The following KCNK2 variants were observed in gnomAD, a reference collection of about 807,000 sequenced individuals.
KCNK2 encodes the protein potassium two pore domain channel subfamily K member 2, also known as potassium channel subfamily K member 2.
Under a neutral mutation model 40.5 loss-of-function variants are expected in KCNK2, and 21 were observed. That is an observed-to-expected ratio of 0.52 (90% CI 0.37 to 0.75). The LOEUF is 0.75. Among genes scored for constraint, KCNK2 ranks in the 30% least tolerant of loss-of-function variants. The pLI is 0.00. For synonymous variants in KCNK2, 191 were observed against 202.2 expected, an observed-to-expected ratio of 0.94 and a Z score of 0.47; for missense variants, 399 against 531.6, an observed-to-expected ratio of 0.75 and a Z score of 2.45.
At chr1:215,125,739 AAT>A (rs66622204) in intron 3 of KCNK2, among the ~76,000 whole-genome samples, 4,919 of 122,350 alleles carry the variant, frequency 0.04, 101 homozygotes, top group African/African-American at 0.047. Flanking sequence ...AAGTATAATA[AAT>A]ATATATATAT....
intron 3 of KCNK2, among the ~76,000 whole-genome samples, chr1:215,127,365 C>G (rs151151637): frequency 3.3e-5 from 5 of 152,236 alleles, no homozygotes; most frequent in African/African-American, 9.6e-5. Flanking sequence ...GTTTAGAATT[C>G]TCTTCATATA....
At chr1:215,040,069 A>G (rs543574727) in intron 1 of KCNK2, among the ~76,000 whole-genome samples, 15 of 152,170 alleles carry the variant, frequency 9.9e-5, no homozygotes, top group Middle Eastern at 6.8e-3. Flanking sequence ...GTTTTAATGT[A>G]TTTCAGTTCC....
chr1:215,145,566 T>C (rs186767931), intron 3 of KCNK2, among the ~76,000 whole-genome samples: 127 of 152,330 alleles, frequency 8.3e-4, no homozygotes, highest in African/African-American at 2.9e-3. Context: ...GAAAAAAATA[T>C]ATGTTATGTC....
chr1:215,149,827 G>A (rs1408557164), intron 3 of KCNK2, among the ~76,000 whole-genome samples: 1 of 152,080 alleles, frequency 6.6e-6, no homozygotes, highest in Non-Finnish European at 1.5e-5. Flanking sequence ...TTGACAATTA[G>A]GTCCACACTC....
At chr1:215,084,219 C>CACA (rs1659322468) in intron 1 of KCNK2, among the ~76,000 whole-genome samples, 2 of 62,040 alleles carry the variant, frequency 3.2e-5, no homozygotes, top group African/African-American at 6.4e-5. Context: ...CACACACACA[C>CACA]TCTTAAAAAT....
chr1:215,181,097 G>C (rs968345631), intron 5 of KCNK2, among the ~76,000 whole-genome samples: 2 of 151,964 alleles, frequency 1.3e-5, no homozygotes, highest in Non-Finnish European at 2.9e-5. Flanking sequence ...GACTGTGTTA[G>C]TTCAAAAGAT....
At chr1:215,060,463 A>G (rs1658327946) in intron 1 of KCNK2, among the ~76,000 whole-genome samples, 1 of 152,206 alleles carries the variant, frequency 6.6e-6, no homozygotes, top group Non-Finnish European at 1.5e-5. Flanking sequence ...AGGCCAGTGC[A>G]AATGTTCCCA....
chr1:215,005,830 ACT>A, upstream of KCNK2: 1 of 1,130,068 alleles, frequency 8.8e-7, no homozygotes, highest in South Asian at 1.2e-5. Context: ...AGTACAAGTG[ACT>A]CTGTTTTGGA....
intron 5 of KCNK2, among the ~76,000 whole-genome samples, chr1:215,184,351 A>C (rs968632858): frequency 6.6e-6 from 1 of 152,206 alleles, no homozygotes. Context: ...CTGTCTTATC[A>C]CTTTTTAAAT....
Position 215,083,252 on chromosome 1 carries a change from CG to C in KCNK2, c.-130del. 1.9e-6 allele frequency: 3 copies of C among 1,605,352 alleles called. No individual in the cohort carries two copies. Among genetic ancestry groups the C allele is most frequent in the African/African-American group, 1.3e-5 (1 of 74,138 alleles). The stretch of plus-strand genomic sequence containing the variant: ...CTCTCCCCACCTTGTAAAACAAAGC[CG>C]GGGAAAATGCCTGCCCGTGCAGCTC... On this transcript the variant is annotated 5_prime_UTR_variant, in exon 1 of 7. Transcript: ENST00000444842.
At chr1:215,063,866 T>A (rs1658442222) in intron 1 of KCNK2, among the ~76,000 whole-genome samples, 1 of 152,092 alleles carries the variant, frequency 6.6e-6, no homozygotes, top group Admixed American at 6.6e-5. Context: ...GAAACAGAGC[T>A]CCCTTCACAA....
In KCNK2 at chr1:215,168,500, A is replaced by G. The variant is rs56233922; in HGVS notation, c.476-699A>G. Among the ~76,000 whole-genome samples the G allele has an allele frequency of 9.6e-3, 1,463 of 152,340 alleles. 22 individuals carry two copies. The highest frequency in any genetic ancestry group is 0.06 in the South Asian group (292 of 4,828). On this transcript the variant is annotated intron_variant, in intron 3 of 6. Transcript: ENST00000444842. ...TGGATAAGGAAAATGTGGTACATAT[A>G]CACCATGGAATACTATGCAGCCATA...
chr1:215,100,645 A>G lies in KCNK2; in HGVS notation c.357+13967A>G, dbSNP rs190514657. 3.8e-3 allele frequency among the ~76,000 whole-genome samples: 585 copies of G among 152,074 alleles called. 6 individuals are homozygous for G. Among genetic ancestry groups the G allele is most frequent in the Non-Finnish European group, 4.6e-3 (310 of 67,950 alleles). ...TGCTGGTTGCGGTTCTGATGTTCCT[A>G]TTGTACTAGGAGATGGTTTCTCAGA... is the stretch of plus-strand genomic sequence containing the variant. On this transcript the variant is annotated intron_variant, in intron 2 of 6. Transcript: ENST00000444842.
intron 6 of KCNK2, among the ~76,000 whole-genome samples, chr1:215,214,322 A>G (rs1665869971): frequency 6.6e-6 from 1 of 152,162 alleles, no homozygotes; most frequent in African/African-American, 2.4e-5. Context: ...CAGATCTTAC[A>G]GTAACTCACT....
At chr1:215,023,846 T>C (rs1167147175) in intron 1 of KCNK2, among the ~76,000 whole-genome samples, 1 of 152,220 alleles carries the variant, frequency 6.6e-6, no homozygotes, top group Non-Finnish European at 1.5e-5. Flanking sequence ...GTGTCCAACC[T>C]AAATCCTACA....
chr1:215,175,863 G>T (rs550049496), intron 5 of KCNK2, among the ~76,000 whole-genome samples: 69 of 152,212 alleles, frequency 4.5e-4, no homozygotes, highest in African/African-American at 1.6e-3. Context: ...GTATTCCGTG[G>T]TGTGTATATA....
At chr1:215,151,634 T>G (rs1662688674) in intron 3 of KCNK2, among the ~76,000 whole-genome samples, 1 of 152,074 alleles carries the variant, frequency 6.6e-6, no homozygotes. Context: ...TGATAAAAAT[T>G]GATACCTCTT....
chr1:215,213,116 G>GA (rs1190756619), intron 6 of KCNK2, among the ~76,000 whole-genome samples: 2 of 152,124 alleles, frequency 1.3e-5, no homozygotes, highest in African/African-American at 2.4e-5. Flanking sequence ...TATCCAAATG[G>GA]AAATGTTTTA....
chr1:215,069,457 G>T (rs139946031), intron 1 of KCNK2, among the ~76,000 whole-genome samples: 9 of 152,152 alleles, frequency 5.9e-5, no homozygotes, highest in African/African-American at 1.7e-4. Flanking sequence ...GTGTTTTCTG[G>T]GCCAAGCCCC....
Sources: allele counts gnomAD v4.1 joint callset (sites outside exome capture counted in the v4.1 genomes callset), GRCh38; gene constraint gnomAD v4.1.1; transcripts MANE v1.5; gene names NCBI Gene and HGNC (gene_info 2026-07-23, HGNC 2026-07-21).